Variants in UBE2O observed in about 807,000 individuals in gnomAD.
UBE2O encodes ubiquitin conjugating enzyme E2 O, also known as (E3-independent) E2 ubiquitin-conjugating enzyme.
A neutral mutation model predicts 125.8 loss-of-function variants in UBE2O; 15 were observed. The ratio of observed to expected loss-of-function variants is 0.12; its 90% CI spans 0.08 to 0.18. The LOEUF is 0.18. UBE2O is among the 10% of genes least tolerant of loss of function. The pLI, the probability that UBE2O is intolerant of heterozygous loss-of-function variation, is 1.00. For synonymous variants in UBE2O, 708 were observed against 703.2 expected, an observed-to-expected ratio of 1.01 and a Z score of -0.11; for missense variants, 1,280 against 1,723.6, an observed-to-expected ratio of 0.74 and a Z score of 4.56.
chr17:76,420,166 C>T (rs1036837718), intron 1 of UBE2O, among the ~76,000 whole-genome samples: 28 of 152,194 alleles, frequency 1.8e-4, no homozygotes, highest in African/African-American at 6.0e-4. Context: ...TCTGAAAATG[C>T]ACCGTACCTT....
intron 13 of UBE2O, among the ~76,000 whole-genome samples, chr17:76,397,397 G>C (rs9910471): frequency 0.26 from 40,066 of 152,100 alleles, 5,872 homozygotes; most frequent in East Asian, 0.49. Context: ...TTCTGCTCAG[G>C]ACCCAGCAGG....
At chr17:76,414,302 G>A (rs1230061901) in intron 1 of UBE2O, among the ~76,000 whole-genome samples, 4 of 152,208 alleles carry the variant, frequency 2.6e-5, no homozygotes, top group Non-Finnish European at 4.4e-5. Context: ...GTTTTCTATA[G>A]ACTTAAGACA....
chr17:76,397,337 G>A (rs1386333153), intron 13 of UBE2O, among the ~76,000 whole-genome samples: 1 of 152,192 alleles, frequency 6.6e-6, no homozygotes, highest in African/African-American at 2.4e-5. Flanking sequence ...AGGAGAGCTG[G>A]GCTGTGTGGC....
intron 1 of UBE2O, among the ~76,000 whole-genome samples, chr17:76,438,503 T>A (rs1316917840): frequency 6.6e-6 from 1 of 152,122 alleles, no homozygotes; most frequent in Admixed American, 6.5e-5. Context: ...GTGAAACACA[T>A]GCTTTACCTG....
intron 1 of UBE2O, among the ~76,000 whole-genome samples, chr17:76,444,771 T>C (rs911577109): frequency 1.3e-5 from 2 of 152,200 alleles, no homozygotes; most frequent in African/African-American, 2.4e-5. Context: ...CTTTCTTCCT[T>C]GGCTTGAAGA....
intron 1 of UBE2O, among the ~76,000 whole-genome samples, chr17:76,421,280 G>A (rs973978008): frequency 6.6e-6 from 1 of 152,166 alleles, no homozygotes; most frequent in African/African-American, 2.4e-5. Flanking sequence ...GACACCACAT[G>A]GTCACCATTC....
At chr17:76,450,919 C>T (rs775839668) in intron 1 of UBE2O, among the ~76,000 whole-genome samples, 6 of 152,208 alleles carry the variant, frequency 3.9e-5, no homozygotes, top group African/African-American at 1.4e-4. Flanking sequence ...CACACCCGGC[C>T]GTTGTTTTCG....
rs2072503443 is a variant in UBE2O, at chr17:76,410,880, T to G, written c.418-5308A>C. 2.0e-5 allele frequency among the ~76,000 whole-genome samples: 3 copies of G among 152,172 alleles called. No individual in the cohort carries two copies. The highest frequency in any genetic ancestry group is 2.0e-4 in the Admixed American group (3 of 15,276). ...AACTAGCTCGTCCTGCAGCTCCTGG[T>G]CCAGACTCTCATTCATAACACTGAC... On this transcript the variant is annotated intron_variant, in intron 1 of 17. Coordinates refer to ENST00000319380, the MANE Select transcript of UBE2O (RefSeq NM_022066.4). This position sits in a 1 kb window ranked among gnomAD's most constrained non-coding sequence, Gnocchi z 4.0.
Position 76,390,756 on chromosome 17 carries a change from CA to C in UBE2O, c.*186del. On this transcript the variant is annotated 3_prime_UTR_variant, in exon 18 of 18. Transcript: ENST00000319380. ...GGACCCGCCTGTTGAAAGCTCGCTT[CA>C]AAATAGAAACGGCAGCATCTCAACA... 1.8e-6 allele frequency: 1 copy of C among 541,686 alleles called. No homozygotes were observed. The highest frequency in any genetic ancestry group is 3.5e-5 in the South Asian group (1 of 28,302). The allele number at this position is 541,686 out of a possible 1,614,324, so 33.6% of individuals were successfully genotyped here.
Position 76,391,111 on chromosome 17 carries a change from C to G in UBE2O, c.3711G>C (p.Arg1237=). Residue 1237 remains arginine (R), a synonymous_variant, in exon 18 of 18, where the codon CGG becomes CGC. Coordinates refer to ENST00000319380, the MANE Select transcript of UBE2O (RefSeq NM_022066.4). This position sits in a 1 kb window ranked among gnomAD's most constrained non-coding sequence, Gnocchi z 8.4. ...SVPPSVKPKK[R]RKSYRSFLPE... is the part of the protein sequence containing the mutation. ...GTAAGAAGCTCCGGTAGCTCTTTCT[C>G]CGCTTCTTTGGTTTCACACTGGGTG... is the stretch of plus-strand genomic sequence containing the variant. 6.2e-7 allele frequency: 1 copy of G among 1,614,172 alleles called. No individual in the cohort carries two copies. Among genetic ancestry groups the G allele is most frequent in the Non-Finnish European group, 8.5e-7 (1 of 1,180,042 alleles).
At chr17:76,417,196 T>C (rs1304129680) in intron 1 of UBE2O, among the ~76,000 whole-genome samples, 2 of 152,292 alleles carry the variant, frequency 1.3e-5, no homozygotes, top group African/African-American at 4.8e-5. Flanking sequence ...CTGGCACCTC[T>C]CCCTGACTCA....
Position 76,401,568 on chromosome 17 carries a change from AC to A in UBE2O, c.751-415del, listed in dbSNP as rs535103852. Among the ~76,000 whole-genome samples, 23 of 152,280 alleles carry A rather than the reference AC, an allele frequency of 1.5e-4. No homozygotes were observed. In the East Asian group the frequency reaches 4.2e-3, roughly 28 times the overall value. On this transcript the variant is annotated intron_variant, in intron 5 of 17. Coordinates refer to ENST00000319380, the MANE Select transcript of UBE2O (RefSeq NM_022066.4). ...CCTTAAAGGATGAGAAAAAAAAGCTACCAAAAATGCAAATAAAAGTTCTAAT... is the reference window on the plus strand; with the variant it reads ...CCTTAAAGGATGAGAAAAAAAAGCTACAAAAATGCAAATAAAAGTTCTAAT...
chr17:76,439,851 T>A (rs1314499905), intron 1 of UBE2O, among the ~76,000 whole-genome samples: 1 of 152,186 alleles, frequency 6.6e-6, no homozygotes, highest in Non-Finnish European at 1.5e-5. Flanking sequence ...CCCCACCACA[T>A]CCTTCAGCAT....
rs1255550904 is a variant in UBE2O, at chr17:76,410,045, G to T, written c.418-4473C>A. 6.6e-6 allele frequency among the ~76,000 whole-genome samples: 1 copy of T among 152,162 alleles called. No individual in the cohort carries two copies. The highest frequency in any genetic ancestry group is 2.4e-5 in the African/African-American group (1 of 41,438). On this transcript the variant is annotated intron_variant, in intron 1 of 17. Coordinates refer to ENST00000319380, the MANE Select transcript of UBE2O (RefSeq NM_022066.4). The surrounding 1 kb of genome is among the most constrained non-coding windows in gnomAD (Gnocchi z 4.0). ...GGGGAATGAGCTTACCAAGCAGGGA[G>T]GAGTAGCTGTCAAGGTGCTGGGTGG...
chr17:76,407,282 G>C (rs1032196386), intron 1 of UBE2O, among the ~76,000 whole-genome samples: 5 of 152,206 alleles, frequency 3.3e-5, no homozygotes, highest in African/African-American at 1.2e-4. Context: ...TCTGCTCCAA[G>C]ACCCCAGGAG....
rs111565452 is a variant in UBE2O, at chr17:76,399,039, G to A, written c.1629-48C>T. On this transcript the variant is annotated intron_variant, in intron 9 of 17. Coordinates refer to ENST00000319380, the MANE Select transcript of UBE2O (RefSeq NM_022066.4). The surrounding 1 kb of genome is among the most constrained non-coding windows in gnomAD (Gnocchi z 6.9). ...AGGCCATGCAAACCCCACCCCCTCCGCGGAAAGGGCAGAGAGTCTTTCTGT... is the reference window on the plus strand; with the variant it reads ...AGGCCATGCAAACCCCACCCCCTCCACGGAAAGGGCAGAGAGTCTTTCTGT... 3.8e-6 allele frequency: 6 copies of A among 1,597,294 alleles called. No homozygotes were observed. The highest frequency in any genetic ancestry group is 4.5e-5 in the East Asian group (2 of 44,788).
At chr17:76,443,696 G>C (rs1157926022) in intron 1 of UBE2O, among the ~76,000 whole-genome samples, 1 of 152,018 alleles carries the variant, frequency 6.6e-6, no homozygotes, top group Non-Finnish European at 1.5e-5. Context: ...GAGCTATCAA[G>C]TAAGCAGCTG....
At chr17:76,451,465 AC>A (rs2073242189) in intron 1 of UBE2O, among the ~76,000 whole-genome samples, 1 of 152,078 alleles carries the variant, frequency 6.6e-6, no homozygotes, top group Non-Finnish European at 1.5e-5. Context: ...CAACAAAAAG[AC>A]CCCGCTGGTA....
rs936192677 is a variant in UBE2O, at chr17:76,396,910, C to T, written c.2116-89G>A. ...GAGCTCTGGGGATCCCTGATCCGCA[C>T]AGCTGATGGCGACTGGGCTCATGAG... is the stretch of plus-strand genomic sequence containing the variant. On this transcript the variant is annotated intron_variant, in intron 13 of 17. Coordinates refer to ENST00000319380, the MANE Select transcript of UBE2O (RefSeq NM_022066.4). The surrounding 1 kb of genome is among the most constrained non-coding windows in gnomAD (Gnocchi z 6.7). The T allele has an allele frequency of 7.7e-6, 9 of 1,171,772 alleles. No individual in the cohort carries two copies. In the African/African-American group the frequency reaches 7.7e-5, roughly 10 times the overall value. The allele number at this position is 1,171,772 out of a possible 1,614,324, so 72.6% of individuals were successfully genotyped here. A position where few individuals can be genotyped will look rare whatever the true frequency, so the allele number is the denominator to read the frequency against.
Sources: allele counts gnomAD v4.1 joint callset (sites outside exome capture counted in the v4.1 genomes callset), GRCh38; gene constraint gnomAD v4.1.1; non-coding constraint Gnocchi (gnomAD v3.1); transcripts MANE v1.5; gene names NCBI Gene and HGNC (gene_info 2026-07-23, HGNC 2026-07-21).